Variants in PDSS2 observed in about 807,000 individuals in gnomAD.
PDSS2 encodes decaprenyl diphosphate synthase subunit 2, also known as all trans-polyprenyl-diphosphate synthase PDSS2.
A neutral mutation model predicts 44.5 loss-of-function variants in PDSS2; 31 were observed. The ratio of observed to expected loss-of-function variants is 0.70; its 90% CI spans 0.52 to 0.94. The LOEUF (loss-of-function observed/expected upper bound fraction) is 0.94. Ranked by LOEUF, PDSS2 falls within the 40% of genes least tolerant of loss-of-function variation. PDSS2 has a pLI of 0.00. For missense variants in PDSS2, 452 were observed against 482.2 expected (o/e 0.94, Z 0.59); for synonymous variants, 157 against 180.3 (o/e 0.87, Z 1.03).
intron 1 of PDSS2, among the ~76,000 whole-genome samples, chr6:107,335,990 A>C: frequency 1.1e-5 from 1 of 93,476 alleles, no homozygotes; most frequent in South Asian, 4.2e-4. Flanking sequence ...TTGGTTGGGT[A>C]TGGTGGCTCA....
At chr6:107,351,005 G>T (rs1337026291) in intron 1 of PDSS2, among the ~76,000 whole-genome samples, 1 of 151,644 alleles carries the variant, frequency 6.6e-6, no homozygotes, top group Non-Finnish European at 1.5e-5. Flanking sequence ...CAAAGGGGGA[G>T]AAACTAGGAA....
intron 2 of PDSS2, among the ~76,000 whole-genome samples, chr6:107,301,340 T>G (rs1019552279): frequency 1.3e-5 from 2 of 152,210 alleles, no homozygotes; most frequent in Non-Finnish European, 2.9e-5. Context: ...AAAGTTTGTT[T>G]TCTGGTGAAT....
intron 1 of PDSS2, among the ~76,000 whole-genome samples, chr6:107,366,778 C>T (rs754008407): frequency 6.6e-6 from 1 of 151,672 alleles, no homozygotes; most frequent in Non-Finnish European, 1.5e-5. Flanking sequence ...AACTTAAGAA[C>T]ACACAGAAAA....
intron 1 of PDSS2, among the ~76,000 whole-genome samples, chr6:107,399,052 G>A (rs1780030401): frequency 1.3e-5 from 2 of 152,110 alleles, no homozygotes; most frequent in Non-Finnish European, 2.9e-5. Context: ...AATAACAAAA[G>A]CTAGCACATA....
At chr6:107,405,833 C>T (rs897529958) in intron 1 of PDSS2, among the ~76,000 whole-genome samples, 17 of 133,338 alleles carry the variant, frequency 1.3e-4, no homozygotes, top group South Asian at 2.3e-4. Context: ...GGCGACAGAG[C>T]GAGACTCCGT....
chr6:107,238,672 A>G (rs908745694), intron 4 of PDSS2, among the ~76,000 whole-genome samples: 1 of 152,196 alleles, frequency 6.6e-6, no homozygotes, highest in Non-Finnish European at 1.5e-5. Context: ...CCAGACTCCT[A>G]TAAGGAAAGC....
At chr6:107,376,461 T>C (rs889713353) in intron 1 of PDSS2, among the ~76,000 whole-genome samples, 11 of 152,326 alleles carry the variant, frequency 7.2e-5, no homozygotes, top group Admixed American at 4.6e-4. Flanking sequence ...GTAGTTCTCC[T>C]TGAAGAGGTC....
At chr6:107,182,720 A>G (rs572148470) in intron 7 of PDSS2, among the ~76,000 whole-genome samples, 21 of 152,224 alleles carry the variant, frequency 1.4e-4, no homozygotes, top group Non-Finnish European at 1.5e-4. Flanking sequence ...TCCATCATTA[A>G]TAATTGCAAT....
At chr6:107,238,335 G>T (rs559062056) in intron 4 of PDSS2, among the ~76,000 whole-genome samples, 2 of 152,168 alleles carry the variant, frequency 1.3e-5, no homozygotes, top group African/African-American at 4.8e-5. Flanking sequence ...TCACCCCCAG[G>T]TTTGATGATT....
intron 2 of PDSS2, among the ~76,000 whole-genome samples, chr6:107,293,772 G>C (rs1008675780): frequency 6.6e-6 from 1 of 152,166 alleles, no homozygotes; most frequent in African/African-American, 2.4e-5. Flanking sequence ...AATATTTGGT[G>C]AACTGGAGTG....
intron 2 of PDSS2, among the ~76,000 whole-genome samples, chr6:107,322,129 G>A (rs1323862676): frequency 6.6e-6 from 1 of 152,130 alleles, no homozygotes; most frequent in Non-Finnish European, 1.5e-5. Flanking sequence ...ATCCACTCTA[G>A]GGCTGTTAGG....
intron 7 of PDSS2, among the ~76,000 whole-genome samples, chr6:107,178,009 T>C (rs1582742551): frequency 6.6e-6 from 1 of 152,208 alleles, no homozygotes; most frequent in Non-Finnish European, 1.5e-5. Context: ...ATCTTACTTA[T>C]ACATTTCTTA....
intron 1 of PDSS2, among the ~76,000 whole-genome samples, chr6:107,397,775 G>C (rs921277270): frequency 9.8e-5 from 15 of 152,292 alleles, no homozygotes; most frequent in African/African-American, 3.6e-4. Context: ...AATTAGAATT[G>C]TGGAAAACTT....
rs1781287345 is a variant in PDSS2 at position 107,434,417 on chromosome 6, T to C, written c.296+24573A>G. 2.6e-5 allele frequency among the ~76,000 whole-genome samples: 4 copies of C among 152,326 alleles called. No homozygotes were observed. The South Asian group carries it at 8.3e-4, about 32-fold the overall frequency. ...GTACATATACACAATGGAGTATTTA[T>C]TCAGTCAGAAAATAAAATGAGATCC... On this transcript the variant is annotated intron_variant, in intron 1 of 7. Transcript: ENST00000369037.
At chr6:107,328,240 T>C (rs1777609563) in intron 2 of PDSS2, among the ~76,000 whole-genome samples, 1 of 152,178 alleles carries the variant, frequency 6.6e-6, no homozygotes, top group East Asian at 1.9e-4. Context: ...TTTAATCCAC[T>C]TAATAGACAT....
chr6:107,405,143 GA>G (rs60244392), intron 1 of PDSS2, among the ~76,000 whole-genome samples: 47 of 144,878 alleles, frequency 3.2e-4, no homozygotes, highest in South Asian at 6.6e-4. Context: ...AATGCTTAAA[GA>G]AAAAAAAAAA....
intron 3 of PDSS2, among the ~76,000 whole-genome samples, chr6:107,254,038 T>TC (rs957484215): frequency 6.7e-5 from 10 of 148,418 alleles, no homozygotes; most frequent in Admixed American, 2.7e-4. Context: ...TTTCTTTCTT[T>TC]TTTTTTTTTT....
intron 7 of PDSS2, among the ~76,000 whole-genome samples, chr6:107,180,952 C>T (rs1771953969): frequency 6.6e-6 from 1 of 152,160 alleles, no homozygotes; most frequent in Non-Finnish European, 1.5e-5. Context: ...TCAAGCGATT[C>T]TCCTGCCTCA....
At chr6:107,348,790 TA>T (rs1283695804) in intron 1 of PDSS2, among the ~76,000 whole-genome samples, 2 of 152,160 alleles carry the variant, frequency 1.3e-5, no homozygotes, top group African/African-American at 4.8e-5. Flanking sequence ...CCCAGAAAGG[TA>T]AAAGTATCAA....
Sources: gnomAD v4.1 joint callset for allele counts (sites outside exome capture counted in the v4.1 genomes callset) on GRCh38, gnomAD v4.1.1 for gene constraint, MANE v1.5 for transcripts, NCBI Gene and HGNC (gene_info 2026-07-23, HGNC 2026-07-21) for gene names.